SND1: variants seen among roughly 807,000 people sequenced by gnomAD.
SND1 encodes staphylococcal nuclease and tudor domain containing 1, also known as staphylococcal nuclease domain-containing protein 1.
Under a neutral mutation model 121.7 loss-of-function variants are expected in SND1, and 38 were observed. The observed-to-expected ratio is 0.31, with a 90% CI of 0.24 to 0.41. The LOEUF (loss-of-function observed/expected upper bound fraction) is 0.41. Among genes scored for constraint, SND1 ranks in the 10% least tolerant of loss-of-function variants. The probability of loss-of-function intolerance (pLI) is 1.00; values close to 1 mark genes in which losing one functional copy is unlikely to be tolerated. For missense variants in SND1, 868 were observed against 1,184.6 expected (o/e 0.73, Z 3.92); for synonymous variants, 401 against 447.4 (o/e 0.90, Z 1.31).
At chr7:127,703,451 C>T (rs1419512668) in intron 7 of SND1, 128 bp downstream of exon 7, 22 of 1,100,664 alleles carry the variant, frequency 2.0e-5, no homozygotes, top group African/African-American at 1.3e-4. Flanking sequence ...TGGTGGCTCA[C>T]GCCTGTAATC....
chr7:127,975,212 G>C (rs573794511), intron 15 of SND1, among the ~76,000 whole-genome samples: 5 of 152,328 alleles, frequency 3.3e-5, no homozygotes, highest in African/African-American at 1.2e-4. Flanking sequence ...AGGACGTGCA[G>C]CGCATCGTTT....
intron 1 of SND1, among the ~76,000 whole-genome samples, chr7:127,670,291 A>G (rs1443727105): frequency 1.3e-5 from 1 of 78,794 alleles, no homozygotes; most frequent in Non-Finnish European, 2.4e-5. Flanking sequence ...GCCTGGCCTA[A>G]TTTTAATTTT....
At chr7:127,670,316 C>G (rs978672957) in intron 1 of SND1, among the ~76,000 whole-genome samples, 1 of 151,492 alleles carries the variant, frequency 6.6e-6, no homozygotes, top group Admixed American at 6.6e-5. Context: ...TTTAAGATGC[C>G]TGTGTTGCCC....
intron 10 of SND1, among the ~76,000 whole-genome samples, chr7:127,766,771 CAAAAAAAA>C (rs59243807): frequency 5.4e-3 from 178 of 33,212 alleles, no homozygotes; most frequent in Admixed American, 0.014. Flanking sequence ...GACTTTGTCT[CAAAAAAAA>C]AAAAAAAAAA....
In SND1 at chr7:127,686,697, C is replaced by G; in HGVS notation, c.163C>G (p.Arg55Gly). 1.2e-6 allele frequency: 2 copies of G among 1,614,148 alleles called. No individual in the cohort carries two copies. Among genetic ancestry groups the G allele is most frequent in the Non-Finnish European group, 1.7e-6 (2 of 1,180,010 alleles). The change falls in exon 2 of 24, where the codon CGT becomes GGT. Residue 55 changes from arginine (R) to glycine (G), a missense_variant. Physicochemically the swap from Arg to Gly is moderately radical, Grantham distance 125 (BLOSUM62 -2). Coordinates refer to ENST00000354725, the MANE Select transcript of SND1 (RefSeq NM_014390.4). ...GCGGCAGATCAACCTCAGCAACATT[C>G]GTGCTGGAAATCTTGCTCGCCGGGC... ...PERQINLSNIRAGNLARRAAA... is the reference protein window; with the variant it reads ...PERQINLSNIGAGNLARRAAA...
chr7:127,743,371 C>T (rs1395764270), intron 10 of SND1, among the ~76,000 whole-genome samples: 2 of 152,224 alleles, frequency 1.3e-5, no homozygotes, highest in Non-Finnish European at 2.9e-5. Context: ...GAAGGCTTCT[C>T]CTCAGGCAGC....
At chr7:128,073,862 T>C (rs968026570) in intron 16 of SND1, among the ~76,000 whole-genome samples, 3 of 152,162 alleles carry the variant, frequency 2.0e-5, no homozygotes, top group African/African-American at 4.8e-5. Context: ...GGAGGAGGCC[T>C]TGAGGCCCGT....
intron 1 of SND1, among the ~76,000 whole-genome samples, chr7:127,684,388 G>C (rs541588022): frequency 3.9e-5 from 6 of 152,344 alleles, no homozygotes; most frequent in African/African-American, 1.4e-4. Flanking sequence ...TAGTTTGGCT[G>C]TCCTCAGCCT....
At chr7:127,903,070 G>T (rs1318394763) in intron 13 of SND1, among the ~76,000 whole-genome samples, 1 of 152,010 alleles carries the variant, frequency 6.6e-6, no homozygotes, top group Non-Finnish European at 1.5e-5. Context: ...TTTTAGTAGA[G>T]ACAGGGTTTC....
chr7:127,712,494 A>G (rs889658240), intron 9 of SND1, among the ~76,000 whole-genome samples: 1 of 152,164 alleles, frequency 6.6e-6, no homozygotes, highest in Non-Finnish European at 1.5e-5. Flanking sequence ...TGCTTCTTAC[A>G]AAGATTTGAA....
intron 16 of SND1, among the ~76,000 whole-genome samples, chr7:128,073,118 G>A (rs1234777885): frequency 6.6e-6 from 1 of 152,178 alleles, no homozygotes; most frequent in African/African-American, 2.4e-5. Flanking sequence ...GGGGGTATTA[G>A]GGAGGGGCAG....
chr7:128,066,076 A>G (rs1181409742), intron 16 of SND1, among the ~76,000 whole-genome samples: 1 of 152,198 alleles, frequency 6.6e-6, no homozygotes, highest in African/African-American at 2.4e-5. Flanking sequence ...AGCGCTCGCA[A>G]AGGCCTGGAG....
At chr7:127,691,881 C>A (rs1253608632) in intron 2 of SND1, among the ~76,000 whole-genome samples, 1 of 150,272 alleles carries the variant, frequency 6.7e-6, no homozygotes, top group Non-Finnish European at 1.5e-5. Context: ...TGCCAAGAGT[C>A]TTGGCCTCCC....
At chr7:127,656,544 GCCTCAAGCTGTCTGC>G (rs1374381386) in intron 1 of SND1, among the ~76,000 whole-genome samples, 1 of 151,924 alleles carries the variant, frequency 6.6e-6, no homozygotes, top group Non-Finnish European at 1.5e-5. Context: ...TCTTGAACTG[GCCTCAAGCTGTCTGC>G]CCACCTCGGC....
At chr7:127,701,659 A>G (rs955871500) in intron 5 of SND1, among the ~76,000 whole-genome samples, 4 of 152,068 alleles carry the variant, frequency 2.6e-5, no homozygotes, top group African/African-American at 9.7e-5. Context: ...TGTATTCTGT[A>G]TACATCTAAA....
chr7:128,044,118 T>C (rs1792905669), intron 16 of SND1, among the ~76,000 whole-genome samples: 1 of 152,196 alleles, frequency 6.6e-6, no homozygotes, highest in Non-Finnish European at 1.5e-5. Flanking sequence ...CATCTGGGTA[T>C]GTGGAGGAGA....
chr7:128,047,229 G>A (rs1012791316), intron 16 of SND1, among the ~76,000 whole-genome samples: 8 of 152,220 alleles, frequency 5.3e-5, no homozygotes, highest in African/African-American at 1.9e-4. Flanking sequence ...CCTGCCAGCA[G>A]GGAGAAGGTG....
At chr7:127,778,824 C>T (rs777591638) in intron 10 of SND1, among the ~76,000 whole-genome samples, 7 of 152,148 alleles carry the variant, frequency 4.6e-5, no homozygotes, top group Non-Finnish European at 1.0e-4. Flanking sequence ...AGATCCTTAA[C>T]TAAGAAGGCA....
chr7:128,075,601 G>T (rs1193588654), intron 17 of SND1, among the ~76,000 whole-genome samples: 1 of 152,150 alleles, frequency 6.6e-6, no homozygotes, highest in African/African-American at 2.4e-5. Context: ...TGTCCTCCTG[G>T]GTCTCTCTCT....
Sources: allele counts gnomAD v4.1 joint callset (sites outside exome capture counted in the v4.1 genomes callset), GRCh38; gene constraint gnomAD v4.1.1; transcripts MANE v1.5; gene names NCBI Gene and HGNC (gene_info 2026-07-23, HGNC 2026-07-21).